Variants in SNTG1 observed in about 807,000 individuals in gnomAD.
SNTG1 encodes gamma-1-syntrophin.
A neutral mutation model predicts 74.7 loss-of-function variants in SNTG1; 39 were observed. The observed-to-expected ratio is 0.52, with a 90% CI of 0.40 to 0.68. The LOEUF (loss-of-function observed/expected upper bound fraction) is 0.68. Ranked by LOEUF, SNTG1 falls within the 30% of genes least tolerant of loss-of-function variation. The pLI is 0.00. For synonymous variants in SNTG1, 254 were observed against 217.1 expected, an observed-to-expected ratio of 1.17 and a Z score of -1.49; for missense variants, 685 against 609.5, an observed-to-expected ratio of 1.12 and a Z score of -1.30.
Position 50,259,510 on chromosome 8 carries a change from AAGAAAGAAAGAAAGAAAG to A in SNTG1, c.-28+86877_-28+86894del, listed in dbSNP as rs1303974728. Reference sequence around the variant, plus strand: ...AGAGACGCTGTCTCAAAAAAAAAAAAAGAAAGAAAGAAAGAAAGAAAGAAAGAAAGAAAGAAAGAAAGA... The same window carrying A: ...AGAGACGCTGTCTCAAAAAAAAAAAAAAAGAAAGAAAGAAAGAAAGAAAGA... On this transcript the variant is annotated intron_variant, in intron 2 of 18. Transcript: ENST00000642720. 1.3e-3 allele frequency among the ~76,000 whole-genome samples: 12 copies of A among 9,564 alleles called. 3 individuals carry two copies. The highest frequency in any genetic ancestry group is 1.5e-3 in the African/African-American group (12 of 8,100). 6.3% of individuals were successfully genotyped at this position (9,564 alleles called of 152,430 possible).
intron 2 of SNTG1, among the ~76,000 whole-genome samples, chr8:50,281,966 G>T (rs1208851984): frequency 6.6e-6 from 1 of 152,172 alleles, no homozygotes; most frequent in Non-Finnish European, 1.5e-5. Context: ...TATTGACAGA[G>T]CAGGAGCATC....
intron 1 of SNTG1, among the ~76,000 whole-genome samples, chr8:49,925,731 A>G (rs1806963870): frequency 6.6e-6 from 1 of 152,196 alleles, no homozygotes; most frequent in East Asian, 1.9e-4. Flanking sequence ...CTCAGAGTAA[A>G]CTATCCAAGT....
At chr8:50,703,234 T>C (rs1337181197) in intron 15 of SNTG1, among the ~76,000 whole-genome samples, 1 of 152,238 alleles carries the variant, frequency 6.6e-6, no homozygotes, top group Non-Finnish European at 1.5e-5. Context: ...CACAAACACA[T>C]TATGTAGCTG....
intron 1 of SNTG1, among the ~76,000 whole-genome samples, chr8:49,924,472 G>A (rs1246283826): frequency 2.0e-5 from 3 of 152,034 alleles, no homozygotes; most frequent in Non-Finnish European, 4.4e-5. Context: ...GTAAAAATTT[G>A]TTTTAAAAAC....
intron 2 of SNTG1, among the ~76,000 whole-genome samples, chr8:50,278,751 A>T (rs567121842): frequency 6.6e-6 from 1 of 152,256 alleles, no homozygotes; most frequent in South Asian, 2.1e-4. Flanking sequence ...AATCAAGTAC[A>T]GTTACATATC....
intron 13 of SNTG1, among the ~76,000 whole-genome samples, chr8:50,630,470 A>G (rs141015798): frequency 2.9e-3 from 445 of 152,254 alleles, no homozygotes; most frequent in African/African-American, 0.01. Flanking sequence ...TTACTGGCCA[A>G]ATGTCCTCAG....
chr8:50,450,451 C>A (rs995402425), intron 6 of SNTG1, 105 bp from the exon 7 acceptor site: 1 of 1,214,036 alleles, frequency 8.2e-7, no homozygotes, highest in Middle Eastern at 2.8e-4. Context: ...ATATAAGACA[C>A]TTAATTTTTA....
intron 1 of SNTG1, among the ~76,000 whole-genome samples, chr8:50,100,679 T>A (rs1347119400): frequency 6.6e-6 from 1 of 152,016 alleles, no homozygotes; most frequent in Admixed American, 6.6e-5. Flanking sequence ...TTAATTAGAG[T>A]TTTATCTAGA....
chr8:50,586,469 C>T (rs1212077348), intron 12 of SNTG1, among the ~76,000 whole-genome samples: 2 of 152,242 alleles, frequency 1.3e-5, no homozygotes, highest in East Asian at 3.9e-4. Context: ...ATCCTCATTC[C>T]CCTCTGCAGC....
intron 2 of SNTG1, among the ~76,000 whole-genome samples, chr8:50,212,815 C>G (rs957484880): frequency 6.6e-6 from 1 of 152,118 alleles, no homozygotes; most frequent in Non-Finnish European, 1.5e-5. Context: ...TTCAAAAGTG[C>G]CATTCAGTTT....
chr8:50,138,907 C>A (rs141834438), intron 1 of SNTG1, among the ~76,000 whole-genome samples: 19 of 151,908 alleles, frequency 1.3e-4, no homozygotes, highest in African/African-American at 4.3e-4. Flanking sequence ...ATCATACTGA[C>A]TTTATAAAAT....
intron 1 of SNTG1, among the ~76,000 whole-genome samples, chr8:50,022,529 C>T (rs779206511): frequency 9.2e-5 from 14 of 152,214 alleles, no homozygotes; most frequent in Non-Finnish European, 1.3e-4. Flanking sequence ...CTCCCTAGCA[C>T]TGATAAATTT....
chr8:50,564,342 A>G (rs2094504279), intron 12 of SNTG1, among the ~76,000 whole-genome samples: 1 of 152,166 alleles, frequency 6.6e-6, no homozygotes, highest in Non-Finnish European at 1.5e-5. Context: ...GTACAATAAT[A>G]TATAAACATA....
intron 18 of SNTG1, among the ~76,000 whole-genome samples, chr8:50,779,633 A>G (rs1378686607): frequency 2.0e-4 from 31 of 152,134 alleles, no homozygotes; most frequent in Non-Finnish European, 2.9e-4. Flanking sequence ...TAGATATACA[A>G]TCATGTCATC....
intron 1 of SNTG1, among the ~76,000 whole-genome samples, chr8:49,984,824 T>C (rs1036317272): frequency 6.6e-6 from 1 of 152,100 alleles, no homozygotes; most frequent in African/African-American, 2.4e-5. Context: ...CATTCCCCAA[T>C]AATAGCATTA....
Position 50,240,660 on chromosome 8 carries a change from C to G in SNTG1, c.-28+68025C>G, listed in dbSNP as rs181493790. ...GAGCTCAGTCAAGCTCCATCCTCCCCGACATTGTCTCAGCCCATAGTTAAG... is the reference window on the plus strand; with the variant it reads ...GAGCTCAGTCAAGCTCCATCCTCCCGGACATTGTCTCAGCCCATAGTTAAG... On this transcript the variant is annotated intron_variant, in intron 2 of 18. Transcript: ENST00000642720. 1.2e-4 allele frequency among the ~76,000 whole-genome samples: 19 copies of G among 152,244 alleles called. No homozygotes were observed. The South Asian group carries it at 3.7e-3, about 30-fold the overall frequency.
intron 2 of SNTG1, among the ~76,000 whole-genome samples, chr8:50,312,389 T>C (rs2130759883): frequency 6.6e-6 from 1 of 152,256 alleles, no homozygotes; most frequent in South Asian, 2.1e-4. Flanking sequence ...TCCAATAATC[T>C]TGATATGAAA....
chr8:50,517,361 T>G (rs756272072), intron 9 of SNTG1, among the ~76,000 whole-genome samples: 2 of 152,010 alleles, frequency 1.3e-5, no homozygotes, highest in Non-Finnish European at 2.9e-5. Flanking sequence ...GTAAAGACCA[T>G]CAATGCCATT....
At chr8:49,989,983 A>G (rs1030553234) in intron 1 of SNTG1, among the ~76,000 whole-genome samples, 1 of 151,980 alleles carries the variant, frequency 6.6e-6, no homozygotes, top group Admixed American at 6.6e-5. Flanking sequence ...TGAAAAACCT[A>G]TAGCTAACAT....
Sources: allele counts gnomAD v4.1 joint callset (sites outside exome capture counted in the v4.1 genomes callset), GRCh38; gene constraint gnomAD v4.1.1; transcripts MANE v1.5; gene names NCBI Gene and HGNC (gene_info 2026-07-23, HGNC 2026-07-21).